The following SYBU variants were observed in gnomAD, a reference collection of about 807,000 sequenced individuals.
The protein encoded by SYBU is syntabulin.
Under a neutral mutation model 35.9 loss-of-function variants are expected in SYBU, and 21 were observed. The ratio of observed to expected loss-of-function variants is 0.58; its 90% confidence interval spans 0.41 to 0.84. The LOEUF (loss-of-function observed/expected upper bound fraction) is 0.84. SYBU is among the 40% of genes least tolerant of loss of function. The pLI is 0.00. For missense variants in SYBU, 768 were observed against 848.2 expected (o/e 0.91, Z 1.17); for synonymous variants, 319 against 324.3 (o/e 0.98, Z 0.18).
intron 4 of SYBU, 64 bp downstream of exon 4, chr8:109,585,996 G>T: frequency 9.2e-7 from 1 of 1,086,398 alleles, no homozygotes; most frequent in Non-Finnish European, 1.4e-6. Context: ...TTCTACAGAT[G>T]CACAGGTGCA....
At chr8:109,630,929 G>A (rs181466859) in intron 2 of SYBU, among the ~76,000 whole-genome samples, 123 of 152,312 alleles carry the variant, frequency 8.1e-4, no homozygotes, top group Admixed American at 8.0e-3. Flanking sequence ...TGAAAGGCAG[G>A]AGGAACGCTC....
intron 2 of SYBU, among the ~76,000 whole-genome samples, chr8:109,634,674 G>A (rs181599324): frequency 1.6e-3 from 237 of 152,234 alleles, no homozygotes; most frequent in African/African-American, 5.3e-3. Context: ...ATGGTGGCTC[G>A]TGACTGTAAT....
At chr8:109,611,024 G>T (rs1047057136) in intron 3 of SYBU, among the ~76,000 whole-genome samples, 2 of 152,184 alleles carry the variant, frequency 1.3e-5, no homozygotes, top group Non-Finnish European at 2.9e-5. Flanking sequence ...CCAACCTAAA[G>T]CATATATCTG....
intron 4 of SYBU, chr8:109,581,201 ATCC>A (rs1240331598): frequency 9.9e-5 from 15 of 152,226 alleles, no homozygotes; most frequent in African/African-American, 3.4e-4. Context: ...TGTTCTTTCT[ATCC>A]TCCTACTTTT....
upstream of SYBU, among the ~76,000 whole-genome samples, chr8:109,685,172 G>A (rs550504549): frequency 1.7e-4 from 26 of 152,272 alleles, no homozygotes; most frequent in African/African-American, 6.0e-4. Context: ...TGTAATAATT[G>A]TAGTGAGCAA....
At chr8:109,677,631 C>T (rs1359541933) in intron 1 of SYBU, among the ~76,000 whole-genome samples, 2 of 152,138 alleles carry the variant, frequency 1.3e-5, no homozygotes, top group African/African-American at 4.8e-5. Flanking sequence ...ATATTAAATA[C>T]CCACTGTATG....
chr8:109,638,318 A>G (rs953992258), intron 2 of SYBU, among the ~76,000 whole-genome samples: 3 of 152,172 alleles, frequency 2.0e-5, no homozygotes, highest in Non-Finnish European at 2.9e-5. Flanking sequence ...GGCTTTTCTA[A>G]CAGTGGCTAG....
At chr8:109,652,391 C>CT (rs1253580498) in intron 1 of SYBU, among the ~76,000 whole-genome samples, 16 of 142,852 alleles carry the variant, frequency 1.1e-4, no homozygotes, top group African/African-American at 4.7e-4. Context: ...CTCTCTCTCT[C>CT]CCTTTTTTTT....
chr8:109,672,749 C>T (rs1817031628), intron 1 of SYBU, among the ~76,000 whole-genome samples: 2 of 152,314 alleles, frequency 1.3e-5, no homozygotes, highest in South Asian at 2.1e-4. Context: ...CAGATCCCAC[C>T]GCCACAGAGC....
intron 1 of SYBU, among the ~76,000 whole-genome samples, chr8:109,676,994 T>A (rs955954289): frequency 2.0e-5 from 3 of 151,990 alleles, no homozygotes; most frequent in Non-Finnish European, 4.4e-5. Flanking sequence ...TGTCTCTGAG[T>A]CTCCATTTCT....
chr8:109,606,764 G>T (rs890760340), intron 3 of SYBU, among the ~76,000 whole-genome samples: 3 of 152,110 alleles, frequency 2.0e-5, no homozygotes, highest in Non-Finnish European at 4.4e-5. Flanking sequence ...ATTCTCAAAG[G>T]GTGGTATCTT....
upstream of SYBU, chr8:109,648,574 G>A (rs2130707690): frequency 6.6e-6 from 1 of 152,140 alleles, no homozygotes; most frequent in South Asian, 2.1e-4. Context: ...GAATCCCCTA[G>A]ACTGCAAACT....
At chr8:109,640,410 T>G (rs76336335) in intron 2 of SYBU, among the ~76,000 whole-genome samples, 1,582 of 152,296 alleles carry the variant, frequency 0.01, 15 homozygotes, top group Middle Eastern at 0.041. Context: ...CTACTCACCC[T>G]GAAATCCCTC....
chr8:109,682,752 C>T (rs1817429894), upstream of SYBU, among the ~76,000 whole-genome samples: 2 of 152,146 alleles, frequency 1.3e-5, no homozygotes, highest in South Asian at 4.2e-4. Context: ...AAGATCTTTG[C>T]AGCAGTCCCT....
At chr8:109,644,410 C>G (rs1383359152) in intron 1 of SYBU, among the ~76,000 whole-genome samples, 1 of 152,128 alleles carries the variant, frequency 6.6e-6, no homozygotes, top group African/African-American at 2.4e-5. Context: ...GATTAACCCT[C>G]CAATCATGTC....
At chr8:109,645,061 C>A (rs1428000225), upstream of SYBU, 3 of 497,020 alleles carry the variant, frequency 6.0e-6, no homozygotes, top group East Asian at 5.4e-5. Flanking sequence ...CTGCGGCTAG[C>A]GGCATCTCCA....
upstream of SYBU, chr8:109,645,162 G>C (rs77335041): frequency 0.025 from 11,550 of 457,706 alleles, 786 homozygotes; most frequent in African/African-American, 0.16. Context: ...GAAAAGCTGC[G>C]ACATCACAGA....
chr8:109,613,783 T>C (rs1264693960), intron 3 of SYBU, among the ~76,000 whole-genome samples: 1 of 152,234 alleles, frequency 6.6e-6, no homozygotes, highest in African/African-American at 2.4e-5. Context: ...TGAACCTCTA[T>C]TAAGGGAATC....
At chr8:109,689,941 T>A (rs1014909858) in intron 1 of SYBU, among the ~76,000 whole-genome samples, 2 of 152,014 alleles carry the variant, frequency 1.3e-5, no homozygotes, top group South Asian at 2.1e-4. Flanking sequence ...AGATCATCTG[T>A]AAAAATAAAG....
Sources: allele counts gnomAD v4.1 joint callset (sites outside exome capture counted in the v4.1 genomes callset), GRCh38; gene constraint gnomAD v4.1.1; transcripts MANE v1.5; gene names NCBI Gene and HGNC (gene_info 2026-07-23, HGNC 2026-07-21).